KCNIP1: variants seen among roughly 807,000 people sequenced by gnomAD.
KCNIP1 encodes the protein A-type potassium channel modulatory protein KCNIP1.
A neutral mutation model predicts 33.0 loss-of-function variants in KCNIP1; 18 were observed. That is an observed-to-expected ratio of 0.55 (90% CI 0.38 to 0.81). The LOEUF (loss-of-function observed/expected upper bound fraction) is 0.81, where lower values mean the gene tolerates loss of function less well. Ranked by LOEUF, KCNIP1 falls within the 30% of genes least tolerant of loss-of-function variation. KCNIP1 has a pLI of 0.00. For missense variants in KCNIP1, 238 were observed against 271.6 expected (o/e 0.88, Z 0.87); for synonymous variants, 93 against 98.3 (o/e 0.95, Z 0.32).
At chr5:170,391,656 C>T (rs925103298) in intron 1 of KCNIP1, among the ~76,000 whole-genome samples, 2 of 152,210 alleles carry the variant, frequency 1.3e-5, no homozygotes, top group African/African-American at 2.4e-5. Context: ...GCACAATAGG[C>T]TCACAATAGA....
In KCNIP1 at chr5:170,735,850, A is replaced by G; in HGVS notation, c.*44A>G. 1 of 1,547,020 alleles carries G rather than the reference A, an allele frequency of 6.5e-7. No homozygotes were observed. The highest frequency in any genetic ancestry group is 1.4e-5 in the African/African-American group (1 of 73,668). ...TCAGCTCTCAGAGACATTGTACTAA[A>G]CAACCACCTTAACACCCTGATCTGC... On this transcript the variant is annotated 3_prime_UTR_variant, in exon 8 of 8. Coordinates refer to ENST00000328939, the MANE Select transcript of KCNIP1 (RefSeq NM_014592.4).
intron 1 of KCNIP1, among the ~76,000 whole-genome samples, chr5:170,455,646 T>G (rs1164606539): frequency 6.6e-6 from 1 of 152,200 alleles, no homozygotes; most frequent in Admixed American, 6.5e-5. Flanking sequence ...AGAAAGAACT[T>G]TTGGAAACTC....
At chr5:170,705,088 G>A (rs769607071) in intron 1 of KCNIP1, among the ~76,000 whole-genome samples, 2 of 152,222 alleles carry the variant, frequency 1.3e-5, no homozygotes, top group South Asian at 2.1e-4. Context: ...AACTATTATC[G>A]CCATAAAGTT....
chr5:170,630,122 A>C, intron 1 of KCNIP1, among the ~76,000 whole-genome samples: 1 of 152,228 alleles, frequency 6.6e-6, no homozygotes, highest in East Asian at 1.9e-4. Context: ...GTCCCTGACA[A>C]TTTTGAGGGG....
intron 1 of KCNIP1, among the ~76,000 whole-genome samples, chr5:170,581,587 G>T (rs974148132): frequency 1.3e-5 from 2 of 152,222 alleles, no homozygotes; most frequent in Non-Finnish European, 2.9e-5. Context: ...CCAAGGGTTT[G>T]GCAGCCTTGA....
At chr5:170,716,812 A>C (rs904797564) in intron 1 of KCNIP1, among the ~76,000 whole-genome samples, 19 of 152,242 alleles carry the variant, frequency 1.2e-4, no homozygotes, top group African/African-American at 4.6e-4. Flanking sequence ...TGAGGAATTC[A>C]GTCACAGGAA....
At chr5:170,709,168 C>G (rs329473) in intron 1 of KCNIP1, among the ~76,000 whole-genome samples, 97,018 of 152,030 alleles carry the variant, frequency 0.64, 32,048 homozygotes, top group East Asian at 0.95. Flanking sequence ...AGACAAGTTT[C>G]TTAATTATGT....
chr5:170,551,934 G>A (rs1756658217), intron 1 of KCNIP1, among the ~76,000 whole-genome samples: 1 of 151,570 alleles, frequency 6.6e-6, no homozygotes, highest in Non-Finnish European at 1.5e-5. Context: ...ACGTATGAAT[G>A]TGAGTGTGCA....
intron 1 of KCNIP1, among the ~76,000 whole-genome samples, chr5:170,562,205 C>G (rs1457639338): frequency 6.6e-6 from 1 of 152,184 alleles, no homozygotes; most frequent in Non-Finnish European, 1.5e-5. Context: ...AGAGCTGAGA[C>G]CCAAAGAATA....
At chr5:170,487,005 C>T (rs561081577) in intron 1 of KCNIP1, among the ~76,000 whole-genome samples, 1 of 152,218 alleles carries the variant, frequency 6.6e-6, no homozygotes, top group Admixed American at 6.5e-5. Flanking sequence ...ATATATTATA[C>T]ACATTATTAT....
At chr5:170,388,368 G>A (rs1178342448) in intron 1 of KCNIP1, among the ~76,000 whole-genome samples, 1 of 152,202 alleles carries the variant, frequency 6.6e-6, no homozygotes, top group East Asian at 1.9e-4. Context: ...CGGGAGGAAG[G>A]ATGGGAACTG....
At chr5:170,483,014 T>C (rs1757008882) in intron 1 of KCNIP1, 1 of 444,728 alleles carries the variant, frequency 2.2e-6, no homozygotes, top group Non-Finnish European at 4.5e-6. Flanking sequence ...AATTAAAGTA[T>C]GAGGTGGAAG....
At chr5:170,605,947 G>A (rs1758897452) in intron 1 of KCNIP1, among the ~76,000 whole-genome samples, 1 of 152,050 alleles carries the variant, frequency 6.6e-6, no homozygotes. Flanking sequence ...GCTAAGTTTT[G>A]TATTTTTAGT....
intron 1 of KCNIP1, among the ~76,000 whole-genome samples, chr5:170,616,123 G>A (rs1247171608): frequency 6.6e-6 from 1 of 152,202 alleles, no homozygotes; most frequent in Non-Finnish European, 1.5e-5. Flanking sequence ...AATGGCTGAT[G>A]ATGGAACCCT....
chr5:170,600,778 C>T (rs896259328), intron 1 of KCNIP1, among the ~76,000 whole-genome samples: 3 of 152,256 alleles, frequency 2.0e-5, no homozygotes, highest in South Asian at 2.1e-4. Flanking sequence ...CAGATCTCCA[C>T]TCAGCCATGT....
At chr5:170,560,613 A>G (rs1179655505) in intron 1 of KCNIP1, among the ~76,000 whole-genome samples, 1 of 152,024 alleles carries the variant, frequency 6.6e-6, no homozygotes, top group African/African-American at 2.4e-5. Context: ...GGCATTTTGC[A>G]TATTCCAGAG....
At chr5:170,415,144 G>A (rs1025691400) in intron 1 of KCNIP1, among the ~76,000 whole-genome samples, 3 of 151,998 alleles carry the variant, frequency 2.0e-5, no homozygotes, top group South Asian at 2.1e-4. Flanking sequence ...ATAATCAATC[G>A]GGATAACCCA....
chr5:170,671,183 T>A (rs767067818), intron 1 of KCNIP1, among the ~76,000 whole-genome samples: 1 of 152,216 alleles, frequency 6.6e-6, no homozygotes, highest in Non-Finnish European at 1.5e-5. Flanking sequence ...TTAAAACCCA[T>A]TGTGGCCAGG....
chr5:170,462,488 G>A (rs1414038376), intron 1 of KCNIP1, among the ~76,000 whole-genome samples: 1 of 152,082 alleles, frequency 6.6e-6, no homozygotes, highest in African/African-American at 2.4e-5. Flanking sequence ...AATAGACACT[G>A]GCATGGATGT....
Sources: allele counts gnomAD v4.1 joint callset (sites outside exome capture counted in the v4.1 genomes callset), GRCh38; gene constraint gnomAD v4.1.1; transcripts MANE v1.5; gene names NCBI Gene and HGNC (gene_info 2026-07-23, HGNC 2026-07-21).